Variants in MAST4 observed in about 807,000 individuals in gnomAD.
MAST4 encodes microtubule-associated serine/threonine-protein kinase 4.
A neutral mutation model predicts 162.7 loss-of-function variants in MAST4; 89 were observed. That is an observed-to-expected ratio of 0.55 (90% CI 0.46 to 0.65). The LOEUF (loss-of-function observed/expected upper bound fraction) is 0.65, where lower values mean the gene tolerates loss of function less well. Among genes scored for constraint, MAST4 ranks in the 30% least tolerant of loss-of-function variants. The pLI, the probability that MAST4 is intolerant of heterozygous loss-of-function variation, is 0.00. For synonymous variants in MAST4, 1,479 were observed against 1,361.1 expected (o/e 1.09, Z -1.91); for missense variants, 3,153 against 3,374.0 (o/e 0.93, Z 1.62).
chr5:66,747,016 A>G (rs1012851611), intron 1 of MAST4, among the ~76,000 whole-genome samples: 1 of 151,692 alleles, frequency 6.6e-6, no homozygotes, highest in African/African-American at 2.4e-5. Context: ...GTCAGTTGCA[A>G]TTAAATGCCT....
intron 11 of MAST4, among the ~76,000 whole-genome samples, chr5:67,112,910 C>G (rs544890257): frequency 1.3e-5 from 2 of 152,298 alleles, no homozygotes; most frequent in South Asian, 2.1e-4. Flanking sequence ...ACAACAAGCT[C>G]TCTTCCAGAG....
intron 1 of MAST4, among the ~76,000 whole-genome samples, chr5:66,614,907 TG>T (rs1324897008): frequency 2.6e-5 from 4 of 152,122 alleles, no homozygotes; most frequent in East Asian, 1.9e-4. Flanking sequence ...ATGCTTTGTT[TG>T]GGGGTGGGGC....
chr5:67,133,500 C>G lies in MAST4; in HGVS notation c.2094-14C>G, dbSNP rs201922860. ...TAAAGTGATTATTGTGTTACATGTC[C>G]GTCTGCCTCATAGCTTGTTGGTTAC... On this transcript the variant is annotated splice_polypyrimidine_tract_variant and intron_variant, in intron 16 of 28. Coordinates refer to ENST00000403625, the MANE Select transcript of MAST4 (RefSeq NM_001164664.2). The G allele has an allele frequency of 4.3e-5, 70 of 1,611,752 alleles. No homozygotes were observed. Among genetic ancestry groups the G allele is most frequent in the Admixed American group, 1.2e-4 (7 of 59,862 alleles).
At chr5:66,601,567 A>T (rs1344196909) in intron 1 of MAST4, among the ~76,000 whole-genome samples, 1 of 152,170 alleles carries the variant, frequency 6.6e-6, no homozygotes, top group African/African-American at 2.4e-5. Flanking sequence ...GACCCCCAGG[A>T]TGAGCAGGAG....
intron 3 of MAST4, among the ~76,000 whole-genome samples, chr5:66,794,969 AG>A (rs1187880558): frequency 6.6e-6 from 1 of 152,214 alleles, no homozygotes; most frequent in Admixed American, 6.5e-5. Context: ...TGTATGCAAA[AG>A]TGTATTTTTC....
rs1742210379 is a variant in MAST4 at position 66,596,850 on chromosome 5, G to A, written c.195G>A (p.Pro65=). ...GGFSREHQPP[P]PPPLGGTLGA... Reference sequence around the variant, plus strand: ...TCTCCAGAGAGCATCAGCCGCCGCCGCCGCCGCCGTTGGGAGGCACCCTGG... The same window carrying A: ...TCTCCAGAGAGCATCAGCCGCCGCCACCGCCGCCGTTGGGAGGCACCCTGG... The change falls in exon 1 of 29, where the codon CCG becomes CCA. Residue 65 remains proline (P), a synonymous_variant. Transcript: ENST00000403625. The A allele has an allele frequency of 3.9e-6, 5 of 1,295,580 alleles. No homozygotes were observed. The highest frequency in any genetic ancestry group is 4.9e-6 in the Non-Finnish European group (5 of 1,022,684). The allele number at this position is 1,295,580 out of a possible 1,614,324, so 80.3% of individuals were successfully genotyped here.
intron 1 of MAST4, among the ~76,000 whole-genome samples, chr5:66,656,035 C>T (rs1345324461): frequency 6.6e-6 from 1 of 152,134 alleles, no homozygotes; most frequent in Admixed American, 6.5e-5. Flanking sequence ...GGAATGGCAT[C>T]TTGAAGGAGA....
intron 23 of MAST4, among the ~76,000 whole-genome samples, chr5:67,146,760 C>T (rs756146864): frequency 9.9e-5 from 15 of 152,068 alleles, no homozygotes; most frequent in South Asian, 2.1e-4. Context: ...TTTCATGTTG[C>T]GTAATTCCAC....
rs895483902 is a variant in MAST4 at position 67,164,426 on chromosome 5, G to C, written c.5247G>C (p.Gln1749His). 1.2e-6 allele frequency: 2 copies of C among 1,613,924 alleles called. No homozygotes were observed. Among genetic ancestry groups the C allele is most frequent in the African/African-American group, 2.7e-5 (2 of 74,936 alleles). Residue 1749 changes from glutamine to histidine, a missense_variant, in exon 29 of 29, where the codon CAG (glutamine) becomes CAC (histidine). Around this residue, in one of 7 missense-constraint regions of MAST4, gnomAD observed 1,644 missense variants for 1,495.0 expected, o/e 1.10. Transcript: ENST00000403625. The surrounding 1 kb of genome is among the most constrained non-coding windows in gnomAD (Gnocchi z 5.3). ...RAFVSSTHAAQMSAVSFVPLK... is the reference protein window; with the variant it reads ...RAFVSSTHAAHMSAVSFVPLK... ...TTGTCAGCAGCACCCATGCAGCTCA[G>C]ATGAGTGCCGTCTCTTTTGTTCCCC...
At chr5:66,634,090 A>G (rs1323213048) in intron 1 of MAST4, among the ~76,000 whole-genome samples, 1 of 151,998 alleles carries the variant, frequency 6.6e-6, no homozygotes, top group African/African-American at 2.4e-5. Flanking sequence ...ACAGAGTTTC[A>G]CCATTGTTGC....
intron 1 of MAST4, among the ~76,000 whole-genome samples, chr5:66,641,142 T>C (rs536856392): frequency 1.1e-4 from 17 of 152,254 alleles, no homozygotes; most frequent in Admixed American, 5.2e-4. Flanking sequence ...TTACTAGATA[T>C]ATGGTGTGCT....
intron 8 of MAST4, 130 bp downstream of exon 8, chr5:67,100,722 TG>T: frequency 9.1e-7 from 1 of 1,094,884 alleles, no homozygotes; most frequent in African/African-American, 1.6e-5. Flanking sequence ...TATAGTGTGA[TG>T]TTTCCATGTA....
At chr5:66,643,223 G>A (rs186410289) in intron 1 of MAST4, among the ~76,000 whole-genome samples, 252 of 152,198 alleles carry the variant, frequency 1.7e-3, no homozygotes, top group African/African-American at 5.6e-3. Flanking sequence ...TAAAATGTCG[G>A]GAACCATATT....
At chr5:66,751,308 C>G (rs566712795) in intron 1 of MAST4, among the ~76,000 whole-genome samples, 2 of 152,158 alleles carry the variant, frequency 1.3e-5, no homozygotes, top group Non-Finnish European at 1.5e-5. Flanking sequence ...ATGACTTTGA[C>G]GAGCTGAGAG....
At chr5:66,881,726 A>G (rs1001234947) in intron 3 of MAST4, among the ~76,000 whole-genome samples, 1 of 152,240 alleles carries the variant, frequency 6.6e-6, no homozygotes, top group Admixed American at 6.5e-5. Flanking sequence ...TGAAAAGATC[A>G]CAGACAAGGT....
intron 4 of MAST4, among the ~76,000 whole-genome samples, chr5:66,967,336 C>T (rs1561487932): frequency 2.0e-5 from 3 of 152,278 alleles, no homozygotes; most frequent in East Asian, 1.9e-4. Flanking sequence ...AGCGGAACTC[C>T]AGGGGCTTCT....
chr5:66,747,656 A>G (rs1315878386), intron 1 of MAST4, among the ~76,000 whole-genome samples: 1 of 152,198 alleles, frequency 6.6e-6, no homozygotes, highest in Non-Finnish European at 1.5e-5. Flanking sequence ...CCTACAACCT[A>G]GGTCATCTCA....
chr5:66,688,704 C>T (rs1235850109), intron 1 of MAST4, among the ~76,000 whole-genome samples: 15 of 152,028 alleles, frequency 9.9e-5, no homozygotes, highest in Non-Finnish European at 1.5e-5. Context: ...ACCAAATTTA[C>T]TTAGGGAAAA....
intron 4 of MAST4, among the ~76,000 whole-genome samples, chr5:66,987,008 C>T (rs1210389038): frequency 1.3e-5 from 2 of 152,166 alleles, no homozygotes; most frequent in Non-Finnish European, 2.9e-5. Context: ...TATAAACTTA[C>T]TAGATTCTTC....
Sources: allele counts gnomAD v4.1 joint callset (sites outside exome capture counted in the v4.1 genomes callset), GRCh38; gene constraint gnomAD v4.1.1; regional missense constraint gnomAD v4.1.1; non-coding constraint Gnocchi (gnomAD v3.1); transcripts MANE v1.5; gene names NCBI Gene and HGNC (gene_info 2026-07-23, HGNC 2026-07-21).